NCOA1: variants seen among roughly 807,000 people sequenced by gnomAD.
The protein encoded by NCOA1 is nuclear receptor coactivator 1.
Under a neutral mutation model 150.9 loss-of-function variants are expected in NCOA1, and 35 were observed. The ratio of observed to expected loss-of-function variants is 0.23; its 90% CI spans 0.18 to 0.31. The LOEUF (loss-of-function observed/expected upper bound fraction) is 0.31, where lower values mean the gene tolerates loss of function less well. Ranked by LOEUF, NCOA1 falls within the 10% of genes least tolerant of loss-of-function variation. NCOA1 has a pLI of 1.00. For synonymous variants in NCOA1, 590 were observed against 630.0 expected, an observed-to-expected ratio of 0.94 and a Z score of 0.95; for missense variants, 1,491 against 1,749.3, an observed-to-expected ratio of 0.85 and a Z score of 2.63.
At chr2:24,614,353 G>GACTAT (rs1668780409) in intron 3 of NCOA1, among the ~76,000 whole-genome samples, 1 of 150,442 alleles carries the variant, frequency 6.6e-6, no homozygotes, top group Non-Finnish European at 1.5e-5. Flanking sequence ...GTGTAGCTGG[G>GACTAT]ACTATAGGTA....
chr2:24,758,551 G>T (rs1361376242), intron 21 of NCOA1, among the ~76,000 whole-genome samples: 1 of 151,838 alleles, frequency 6.6e-6, no homozygotes, highest in Non-Finnish European at 1.5e-5. Context: ...GGCTGGGCTT[G>T]AACTCCTGGG....
intron 1 of NCOA1, among the ~76,000 whole-genome samples, chr2:24,507,196 G>A (rs1663735856): frequency 6.6e-6 from 1 of 152,148 alleles, no homozygotes; most frequent in Non-Finnish European, 1.5e-5. Flanking sequence ...TATGGATGAG[G>A]GGCTGTGTTA....
chr2:24,762,814 T>A, intron 22 of NCOA1, 38 bp downstream of exon 22: 1 of 1,539,546 alleles, frequency 6.5e-7, no homozygotes, highest in Non-Finnish European at 9.0e-7. Flanking sequence ...CTGTCAAATG[T>A]ACTCTAGATG....
intron 1 of NCOA1, among the ~76,000 whole-genome samples, chr2:24,508,953 T>C (rs1050074442): frequency 6.6e-6 from 1 of 152,198 alleles, no homozygotes; most frequent in African/African-American, 2.4e-5. Flanking sequence ...GGAGGCATTG[T>C]CTGGAAATGA....
intron 20 of NCOA1, among the ~76,000 whole-genome samples, chr2:24,756,511 C>T (rs1347876584): frequency 6.6e-6 from 1 of 152,114 alleles, no homozygotes; most frequent in African/African-American, 2.4e-5. Context: ...CCTTAGTCTA[C>T]TGGAAACTGT....
intron 2 of NCOA1, among the ~76,000 whole-genome samples, chr2:24,578,479 C>T (rs1667074667): frequency 6.6e-6 from 1 of 152,136 alleles, no homozygotes; most frequent in Admixed American, 6.5e-5. Context: ...TATGACCTTA[C>T]ATGATTACTG....
At chr2:24,608,704 GT>G (rs56710627) in intron 3 of NCOA1, among the ~76,000 whole-genome samples, 10,031 of 117,292 alleles carry the variant, frequency 0.086, 250 homozygotes, top group Non-Finnish European at 0.094. Context: ...TTGTTGTTGT[GT>G]TTTTTTTTTT....
intron 1 of NCOA1, among the ~76,000 whole-genome samples, chr2:24,532,639 A>G (rs536255520): frequency 6.6e-6 from 1 of 152,336 alleles, no homozygotes; most frequent in South Asian, 2.1e-4. Flanking sequence ...ATAAGGTATA[A>G]GGAAGGGATC....
intron 1 of NCOA1, among the ~76,000 whole-genome samples, chr2:24,546,206 TA>T (rs201993579): frequency 0.012 from 1,603 of 136,852 alleles, 18 homozygotes; most frequent in East Asian, 0.078. Context: ...TCCCATCTCT[TA>T]AAAAAAAAAA....
intron 1 of NCOA1, among the ~76,000 whole-genome samples, chr2:24,531,019 G>A (rs1359800554): frequency 6.6e-6 from 1 of 152,116 alleles, no homozygotes; most frequent in Non-Finnish European, 1.5e-5. Context: ...TGGCTTAGTT[G>A]AAAACCATAG....
chr2:24,604,536 T>C (rs1372075595), intron 3 of NCOA1, among the ~76,000 whole-genome samples: 1 of 152,254 alleles, frequency 6.6e-6, no homozygotes, highest in Non-Finnish European at 1.5e-5. Context: ...CTTGCACTTT[T>C]ATGTTATGGA....
At chr2:24,651,388 C>T (rs1306123558) in intron 4 of NCOA1, among the ~76,000 whole-genome samples, 6 of 152,046 alleles carry the variant, frequency 3.9e-5, no homozygotes, top group Admixed American at 2.0e-4. Context: ...GGAGGAGATC[C>T]TGCCATTTGC....
intron 1 of NCOA1, among the ~76,000 whole-genome samples, chr2:24,551,535 AG>A (rs764046146): frequency 2.6e-5 from 4 of 152,018 alleles, no homozygotes; most frequent in Non-Finnish European, 5.9e-5. Flanking sequence ...CGTCAGTGAG[AG>A]GTTGGCAAAC....
chr2:24,675,431 A>T (rs904336593), intron 7 of NCOA1, among the ~76,000 whole-genome samples: 11 of 152,190 alleles, frequency 7.2e-5, no homozygotes, highest in Non-Finnish European at 1.5e-4. Context: ...TACTCCTGCT[A>T]TGTTTAGCTT....
intron 3 of NCOA1, among the ~76,000 whole-genome samples, chr2:24,635,882 A>G (rs528749819): frequency 1.1e-4 from 16 of 152,318 alleles, no homozygotes; most frequent in Admixed American, 6.5e-4. Flanking sequence ...AGGAAAGAAA[A>G]AAATTGAAAA....
rs1663639421 is a variant in NCOA1 at position 24,742,193 on chromosome 2, A to G, written c.3706+7A>G. On this transcript the variant is annotated splice_region_variant and intron_variant, in intron 19 of 22. Transcript: ENST00000348332. ...TTCCAGTATCCAGGAGCAGGTAGGA[A>G]GGTCACAACTTTATGTTGTTCTAAG... 1.2e-6 allele frequency: 2 copies of G among 1,603,034 alleles called. No homozygotes were observed. The highest frequency in any genetic ancestry group is 1.7e-6 in the Non-Finnish European group (2 of 1,174,312).
chr2:24,643,050 T>C (rs902777562), intron 3 of NCOA1, among the ~76,000 whole-genome samples: 1 of 152,218 alleles, frequency 6.6e-6, no homozygotes, highest in Non-Finnish European at 1.5e-5. Context: ...GGTGTAGTTA[T>C]ATGTATCTGT....
At chr2:24,595,760 A>G (rs2148344546) in intron 3 of NCOA1, among the ~76,000 whole-genome samples, 1 of 152,248 alleles carries the variant, frequency 6.6e-6, no homozygotes, top group Admixed American at 6.5e-5. Context: ...CTCTGCATAG[A>G]GGTTATGGAG....
At chr2:24,615,793 T>G (rs918709203) in intron 3 of NCOA1, among the ~76,000 whole-genome samples, 5 of 152,130 alleles carry the variant, frequency 3.3e-5, no homozygotes, top group African/African-American at 1.2e-4. Context: ...CCATTGCAGA[T>G]GAGGAATGGC....
Sources: gnomAD v4.1 joint callset for allele counts (sites outside exome capture counted in the v4.1 genomes callset) on GRCh38, gnomAD v4.1.1 for gene constraint, MANE v1.5 for transcripts, NCBI Gene and HGNC (gene_info 2026-07-23, HGNC 2026-07-21) for gene names.